TMEM117: variants seen among roughly 807,000 people sequenced by gnomAD.
TMEM117 encodes the protein transmembrane protein 117.
Under a neutral mutation model 52.4 loss-of-function variants are expected in TMEM117, and 27 were observed. The observed-to-expected ratio is 0.51, with a 90% confidence interval of 0.38 to 0.71. The LOEUF is 0.71. Ranked by LOEUF, TMEM117 falls within the 30% of genes least tolerant of loss-of-function variation. The probability of loss-of-function intolerance (pLI) is 0.00; values close to 1 mark genes in which losing one functional copy is unlikely to be tolerated. For missense variants in TMEM117, 556 were observed against 630.5 expected, an observed-to-expected ratio of 0.88 and a Z score of 1.26; for synonymous variants, 215 against 206.3, an observed-to-expected ratio of 1.04 and a Z score of -0.36.
At chr12:43,809,624 A>T in the TMEM117 span, among the ~76,000 whole-genome samples, 2 of 152,218 alleles carry the variant, frequency 1.3e-5, no homozygotes, top group Admixed American at 6.5e-5. Context: ...TCCAAACCTC[A>T]AAAGCAACAA....
chr12:43,838,537 GT>G (rs780135058), intron 1 of TMEM117, among the ~76,000 whole-genome samples: 12,177 of 93,128 alleles, frequency 0.13, 718 homozygotes, highest in African/African-American at 0.32. Context: ...GAGTCTTCCA[GT>G]TTTTTTTTTT....
chr12:44,393,116 T>C (rs983778644), downstream of TMEM117, among the ~76,000 whole-genome samples: 11 of 152,196 alleles, frequency 7.2e-5, no homozygotes, highest in African/African-American at 2.7e-4. Flanking sequence ...ACTGATAATA[T>C]TTTAATTTAG....
chr12:44,129,276 C>A (rs1948376529), intron 3 of TMEM117, among the ~76,000 whole-genome samples: 1 of 152,222 alleles, frequency 6.6e-6, no homozygotes, highest in Non-Finnish European at 1.5e-5. Context: ...AGCAGTGTGG[C>A]CATCCACTTT....
intron 3 of TMEM117, among the ~76,000 whole-genome samples, chr12:44,019,201 A>G (rs575891824): frequency 6.6e-6 from 1 of 151,954 alleles, no homozygotes; most frequent in Non-Finnish European, 1.5e-5. Context: ...GCAGCCATCT[A>G]GTGTGACCAG....
chr12:43,950,551 A>G (rs1192698221), intron 3 of TMEM117, among the ~76,000 whole-genome samples: 1 of 23,944 alleles, frequency 4.2e-5, no homozygotes, highest in East Asian at 2.4e-3. Flanking sequence ...TTTTTCTCAA[A>G]AAAAAAAAGT....
intron 2 of TMEM117, among the ~76,000 whole-genome samples, chr12:43,889,524 C>A (rs561920488): frequency 6.6e-6 from 1 of 152,252 alleles, no homozygotes; most frequent in Non-Finnish European, 1.5e-5. Context: ...TCCAGCCACT[C>A]ATCTGCTGCG....
At chr12:44,269,754 T>C (rs1422152121) in intron 5 of TMEM117, among the ~76,000 whole-genome samples, 7 of 152,094 alleles carry the variant, frequency 4.6e-5, no homozygotes, top group Non-Finnish European at 7.4e-5. Flanking sequence ...CAAGTCCTCA[T>C]TGGGTCAAAA....
At chr12:44,001,627 A>G (rs768324322) in intron 3 of TMEM117, among the ~76,000 whole-genome samples, 8 of 152,008 alleles carry the variant, frequency 5.3e-5, no homozygotes, top group African/African-American at 1.2e-4. Context: ...AGGGGCTAAA[A>G]ACAAAGCATA....
intron 3 of TMEM117, among the ~76,000 whole-genome samples, chr12:44,036,484 A>G (rs1394402044): frequency 1.3e-5 from 2 of 152,222 alleles, no homozygotes; most frequent in Non-Finnish European, 1.5e-5. Flanking sequence ...GTGGAACTTG[A>G]TATCATACTC....
chr12:44,230,196 T>C (rs1949914965), intron 5 of TMEM117, among the ~76,000 whole-genome samples: 1 of 152,146 alleles, frequency 6.6e-6, no homozygotes, highest in South Asian at 2.1e-4. Context: ...GAGTGGTTCG[T>C]GACTTGCTGA....
intron 3 of TMEM117, among the ~76,000 whole-genome samples, chr12:44,051,409 CTTCCT>C (rs1946970169): frequency 6.6e-6 from 1 of 152,164 alleles, no homozygotes; most frequent in Non-Finnish European, 1.5e-5. Flanking sequence ...AAATGTCAGA[CTTCCT>C]TTCATTTCTC....
intron 5 of TMEM117, among the ~76,000 whole-genome samples, chr12:44,268,883 A>T (rs909447918): frequency 6.6e-6 from 1 of 152,142 alleles, no homozygotes; most frequent in Non-Finnish European, 1.5e-5. Flanking sequence ...TCCCTCCCAG[A>T]TCACAGTTCC....
At chr12:43,902,745 G>C (rs1944325176) in intron 2 of TMEM117, among the ~76,000 whole-genome samples, 1 of 152,160 alleles carries the variant, frequency 6.6e-6, no homozygotes, top group Non-Finnish European at 1.5e-5. Context: ...TTAATGGATA[G>C]ATTAGAGAAC....
chr12:43,835,899 T>C (rs1260693624), upstream of TMEM117: 1 of 151,780 alleles, frequency 6.6e-6, no homozygotes, highest in Non-Finnish European at 1.5e-5. Context: ...TGCACACAGC[T>C]GGCATGATCG....
At chr12:44,272,938 G>T (rs184558403) in intron 5 of TMEM117, among the ~76,000 whole-genome samples, 2 of 151,910 alleles carry the variant, frequency 1.3e-5, no homozygotes, top group Admixed American at 6.6e-5. Flanking sequence ...TTATTGTGGC[G>T]CTATTCACAA....
the TMEM117 span, among the ~76,000 whole-genome samples, chr12:43,814,111 T>C: frequency 6.6e-6 from 1 of 152,122 alleles, no homozygotes; most frequent in Non-Finnish European, 1.5e-5. Flanking sequence ...TGTTTGAAAT[T>C]ATATGTAATT....
chr12:44,087,619 C>T (rs1049525676), intron 3 of TMEM117, among the ~76,000 whole-genome samples: 1 of 152,064 alleles, frequency 6.6e-6, no homozygotes, highest in East Asian at 1.9e-4. Flanking sequence ...TGTGTGCCCC[C>T]ACGCCCGACC....
intron 5 of TMEM117, among the ~76,000 whole-genome samples, chr12:44,226,243 C>G (rs753654447): frequency 6.6e-6 from 1 of 152,140 alleles, no homozygotes; most frequent in Non-Finnish European, 1.5e-5. Context: ...CTGTTCAGGT[C>G]TCATGGCCAT....
intron 2 of TMEM117, among the ~76,000 whole-genome samples, chr12:43,888,423 G>A (rs1026249757): frequency 6.6e-6 from 1 of 152,060 alleles, no homozygotes; most frequent in Non-Finnish European, 1.5e-5. Flanking sequence ...TGCATCATCA[G>A]TGCGAATGAA....
Sources: allele counts gnomAD v4.1 joint callset (sites outside exome capture counted in the v4.1 genomes callset), GRCh38; gene constraint gnomAD v4.1.1; transcripts MANE v1.5; gene names NCBI Gene and HGNC (gene_info 2026-07-23, HGNC 2026-07-21).